GRID1: variants seen among roughly 807,000 people sequenced by gnomAD.
The protein encoded by GRID1 is glutamate receptor ionotropic, delta-1.
GRID1 carries 28 observed loss-of-function variants against 98.0 expected under a neutral mutation model. The observed-to-expected ratio is 0.29, with a 90% CI of 0.21 to 0.39. The LOEUF (loss-of-function observed/expected upper bound fraction) is 0.39, where lower values mean the gene tolerates loss of function less well. Ranked by LOEUF, GRID1 falls within the 10% of genes least tolerant of loss-of-function variation. GRID1 has a pLI of 1.00. For missense variants in GRID1, 1,111 were observed against 1,340.5 expected (o/e 0.83, Z 2.67); for synonymous variants, 553 against 538.5 (o/e 1.03, Z -0.37).
chr10:86,077,605 T>G (rs1231836135), intron 4 of GRID1, among the ~76,000 whole-genome samples: 1 of 152,206 alleles, frequency 6.6e-6, no homozygotes, highest in Non-Finnish European at 1.5e-5. Context: ...CAGACCTCCA[T>G]TCGAACACAT....
At chr10:85,635,781 C>T (rs961752364) in intron 13 of GRID1, among the ~76,000 whole-genome samples, 18 of 152,268 alleles carry the variant, frequency 1.2e-4, no homozygotes, top group Middle Eastern at 3.4e-3. Flanking sequence ...GCTCAGGAGA[C>T]GTTAATGCTT....
At chr10:86,164,627 G>T (rs1845371573) in intron 3 of GRID1, among the ~76,000 whole-genome samples, 2 of 152,228 alleles carry the variant, frequency 1.3e-5, no homozygotes, top group Admixed American at 1.3e-4. Flanking sequence ...TCATCAGGGG[G>T]TCAGGGAGAG....
chr10:85,698,079 G>A (rs983433443), intron 12 of GRID1, among the ~76,000 whole-genome samples: 1 of 152,052 alleles, frequency 6.6e-6, no homozygotes, highest in Non-Finnish European at 1.5e-5. Context: ...ATAAAAAAAC[G>A]AATAATACCA....
intron 2 of GRID1, among the ~76,000 whole-genome samples, chr10:86,343,665 G>T (rs1848342386): frequency 6.6e-6 from 1 of 152,240 alleles, no homozygotes; most frequent in African/African-American, 2.4e-5. Context: ...TGGTCAGCCA[G>T]TGTGAGAGGG....
Position 86,053,348 on chromosome 10 carries a change from A to AT in GRID1, c.726+85470dup, listed in dbSNP as rs560361748. 1.7e-3 allele frequency among the ~76,000 whole-genome samples: 245 copies of AT among 142,138 alleles called. 1 individual carries two copies. In the East Asian group the frequency reaches 0.023, roughly 13 times the overall value. 93.2% of individuals were successfully genotyped at this position (142,138 alleles called of 152,430 possible). On this transcript the variant is annotated intron_variant, in intron 4 of 15. Coordinates refer to ENST00000327946, the MANE Select transcript of GRID1 (RefSeq NM_017551.3). ...TCTACTTGTCTCGATTCTTTGCTCC[A>AT]TTTTTTTTTGTTTTTTTGTTTTTTT... is the stretch of plus-strand genomic sequence containing the variant.
At chr10:85,903,566 CA>C (rs1458596602) in intron 5 of GRID1, among the ~76,000 whole-genome samples, 1 of 152,012 alleles carries the variant, frequency 6.6e-6, no homozygotes, top group Non-Finnish European at 1.5e-5. Context: ...GGTATAGTTT[CA>C]AAAAAATATA....
At chr10:86,085,972 G>T (rs1844049234) in intron 4 of GRID1, among the ~76,000 whole-genome samples, 1 of 151,968 alleles carries the variant, frequency 6.6e-6, no homozygotes, top group African/African-American at 2.4e-5. Flanking sequence ...AGCCCAGCTG[G>T]GCCTTTCTGT....
chr10:86,244,896 A>T (rs1846697041), intron 2 of GRID1, among the ~76,000 whole-genome samples: 1 of 152,318 alleles, frequency 6.6e-6, no homozygotes, highest in South Asian at 2.1e-4. Flanking sequence ...TTCTCAGTGC[A>T]TTGCTGCCAG....
intron 8 of GRID1, among the ~76,000 whole-genome samples, chr10:85,812,811 AT>A (rs1381538656): frequency 6.6e-6 from 1 of 151,224 alleles, no homozygotes; most frequent in East Asian, 1.9e-4. Flanking sequence ...ATACATATAT[AT>A]GTGTATGTAT....
At chr10:86,045,643 G>A (rs1382620949) in intron 4 of GRID1, among the ~76,000 whole-genome samples, 1 of 152,078 alleles carries the variant, frequency 6.6e-6, no homozygotes, top group Non-Finnish European at 1.5e-5. Context: ...GGGAGAGAGA[G>A]TGAGAGAGTG....
At chr10:85,733,482 A>C (rs1240046815) in intron 8 of GRID1, among the ~76,000 whole-genome samples, 3 of 152,212 alleles carry the variant, frequency 2.0e-5, no homozygotes, top group African/African-American at 7.2e-5. Flanking sequence ...CCTATGTTCT[A>C]ATTGTTGTCA....
chr10:86,022,514 A>C (rs1454579791), intron 4 of GRID1, among the ~76,000 whole-genome samples: 1 of 151,958 alleles, frequency 6.6e-6, no homozygotes, highest in Non-Finnish European at 1.5e-5. Context: ...AAGTCAGTTA[A>C]AGGATGAAAA....
intron 2 of GRID1, among the ~76,000 whole-genome samples, chr10:86,230,887 G>C (rs924967577): frequency 2.0e-5 from 3 of 152,166 alleles, no homozygotes; most frequent in Non-Finnish European, 4.4e-5. Context: ...TCCCTCCATG[G>C]ATGGTGACAT....
chr10:86,303,987 C>T (rs1847725096), intron 2 of GRID1, among the ~76,000 whole-genome samples: 1 of 152,208 alleles, frequency 6.6e-6, no homozygotes, highest in South Asian at 2.1e-4. Context: ...CTTCTCGTTG[C>T]CATGGTTTTT....
chr10:85,630,947 T>G lies in GRID1; in HGVS notation c.2194-10914A>C, dbSNP rs185296657. Among the ~76,000 whole-genome samples the G allele has an allele frequency of 2.0e-5, 3 of 152,332 alleles. No individual in the cohort carries two copies. The East Asian group carries it at 5.8e-4, about 29-fold the overall frequency. ...GTATTAAAGCTCTAGGGTGTTGAATTGGAGTACTGAATGGAAGAAGGGAAA... is the reference window on the plus strand; with the variant it reads ...GTATTAAAGCTCTAGGGTGTTGAATGGGAGTACTGAATGGAAGAAGGGAAA... On this transcript the variant is annotated intron_variant, in intron 13 of 15. Transcript: ENST00000327946.
At chr10:85,922,057 G>C (rs1383243893) in intron 4 of GRID1, among the ~76,000 whole-genome samples, 13 of 152,188 alleles carry the variant, frequency 8.5e-5, no homozygotes, top group Admixed American at 8.5e-4. Flanking sequence ...GCAGAGGTTA[G>C]ATTTGAACTA....
At chr10:85,637,106 T>C (rs1426762465) in intron 13 of GRID1, among the ~76,000 whole-genome samples, 1 of 152,222 alleles carries the variant, frequency 6.6e-6, no homozygotes, top group Non-Finnish European at 1.5e-5. Context: ...AAATCTTTTT[T>C]ATAAAGTTTT....
At chr10:86,347,347 A>C (rs1048041429) in intron 2 of GRID1, among the ~76,000 whole-genome samples, 25 of 150,530 alleles carry the variant, frequency 1.7e-4, no homozygotes, top group Non-Finnish European at 1.6e-4. Context: ...AAGTGACCCC[A>C]CCCCCATCTA....
chr10:86,366,385 G>A lies in GRID1; in HGVS notation c.8C>T (p.Ala3Val). ...CCAGGGGAGAAGCCACAGCGTCAGC[G>A]CTTCCATGTCCCCCGGGCGCGCGGC... The part of the protein sequence containing the change: ME[A>V]LTLWLLPWIC... The change falls in exon 1 of 16, where the codon GCG becomes GTG. Residue 3 changes from alanine to valine, a missense_variant. Coordinates refer to ENST00000327946, the MANE Select transcript of GRID1 (RefSeq NM_017551.3). The surrounding 1 kb of genome is among the most constrained non-coding windows in gnomAD (Gnocchi z 4.1). The A allele has an allele frequency of 6.6e-7, 1 of 1,507,292 alleles. No homozygotes were observed. The highest frequency in any genetic ancestry group is 8.9e-7 in the Non-Finnish European group (1 of 1,125,064). 93.4% of individuals were successfully genotyped at this position (1,507,292 alleles called of 1,614,324 possible).
Sources: gnomAD v4.1 joint callset for allele counts (sites outside exome capture counted in the v4.1 genomes callset) on GRCh38, gnomAD v4.1.1 for gene constraint, Gnocchi (gnomAD v3.1) non-coding constraint, MANE v1.5 for transcripts, NCBI Gene and HGNC (gene_info 2026-07-23, HGNC 2026-07-21) for gene names.